CLCA2: variants seen among roughly 807,000 people sequenced by gnomAD.
CLCA2 encodes the protein chloride channel accessory 2, also known as calcium-activated chloride channel regulator 2.
In CLCA2, 85 loss-of-function variants were observed where a neutral mutation model predicts 82.9. That is an observed-to-expected ratio of 1.03 (90% CI 0.86 to 1.23). The LOEUF (loss-of-function observed/expected upper bound fraction) is 1.23, where lower values mean the gene tolerates loss of function less well. Among genes scored for constraint, CLCA2 ranks in the 50% most tolerant of loss-of-function variants. The pLI, the probability that CLCA2 is intolerant of heterozygous loss-of-function variation, is 0.00. For synonymous variants in CLCA2, 421 were observed against 391.7 expected (o/e 1.07, Z -0.88); for missense variants, 1,089 against 1,124.8 (o/e 0.97, Z 0.45).
intron 2 of CLCA2, among the ~76,000 whole-genome samples, chr1:86,426,958 C>A (rs1018001705): frequency 6.6e-6 from 1 of 151,996 alleles, no homozygotes; most frequent in Non-Finnish European, 1.5e-5. Context: ...ACGGAAAGAC[C>A]AAAGGAAACA....
rs755588500 is a variant in CLCA2 at position 86,440,363 on chromosome 1, C to G, written c.1381+38C>G. 9.6e-6 allele frequency: 15 copies of G among 1,562,896 alleles called. No homozygotes were observed. The Admixed American group carries it at 2.5e-4, about 26-fold the overall frequency. On this transcript the variant is annotated intron_variant, in intron 8 of 13. Coordinates refer to ENST00000370565, the MANE Select transcript of CLCA2 (RefSeq NM_006536.7). ...TAAAAACTTATCTTTTGGAGCATGT[C>G]CCTTTAACTTGACTATCCAAGACAC... is the stretch of plus-strand genomic sequence containing the variant.
At chr1:86,448,858 T>G (rs1662908494) in intron 11 of CLCA2, among the ~76,000 whole-genome samples, 1 of 152,238 alleles carries the variant, frequency 6.6e-6, no homozygotes. Context: ...CACCTTTCAT[T>G]TTTTGTTTAT....
At chr1:86,430,197 T>C (rs892653126) in intron 3 of CLCA2, among the ~76,000 whole-genome samples, 2 of 151,950 alleles carry the variant, frequency 1.3e-5, no homozygotes, top group African/African-American at 4.8e-5. Flanking sequence ...ATGTAAGATT[T>C]TGAGAGAGAG....
chr1:86,430,153 A>C (rs1662465349), intron 3 of CLCA2, among the ~76,000 whole-genome samples: 1 of 152,180 alleles, frequency 6.6e-6, no homozygotes, highest in African/African-American at 2.4e-5. Flanking sequence ...TGGAAAGCTT[A>C]TATGGGAAAG....
chr1:86,434,823 G>A (rs571466055), intron 6 of CLCA2, 78 bp downstream of exon 6: 1 of 1,198,818 alleles, frequency 8.3e-7, no homozygotes, highest in East Asian at 2.4e-5. Flanking sequence ...TTTATTTTAA[G>A]TTCTGGGGTA....
At chr1:86,447,837 G>T (rs987569048) in intron 11 of CLCA2, 59 bp downstream of exon 11, 59 of 1,478,820 alleles carry the variant, frequency 4.0e-5, no homozygotes, top group Admixed American at 5.7e-5. Context: ...GATATGATGC[G>T]GTAGTATCAA....
chr1:86,453,178 A>G (rs1558121034), intron 12 of CLCA2, among the ~76,000 whole-genome samples, 191 bp from the exon 13 acceptor site: 1 of 152,202 alleles, frequency 6.6e-6, no homozygotes, highest in Non-Finnish European at 1.5e-5. Flanking sequence ...GTCTCAAAAT[A>G]AAATAAAATA....
In CLCA2 at chr1:86,441,540, T is replaced by A; in HGVS notation, c.1485T>A (p.Ile495=). Residue 495 remains isoleucine (I), a synonymous_variant, in exon 9 of 14, where the codon ATT becomes ATA. Coordinates refer to ENST00000370565, the MANE Select transcript of CLCA2 (RefSeq NM_006536.7). ...CTGGAGACATTTTCCAGCAACATAT[T>A]CAGGTCAGAATTTTCTCAATGTTAT... ...SGTGDIFQQH[I]QLESTGENVK... is the part of the protein sequence containing the mutation. The A allele has an allele frequency of 6.2e-7, 1 of 1,601,420 alleles. No homozygotes were observed.
chr1:86,453,586 C>T lies in CLCA2; in HGVS notation c.2373C>T (p.Asp791=). 1 of 1,613,938 alleles carries T rather than the reference C, an allele frequency of 6.2e-7. No homozygotes were observed. Among genetic ancestry groups the T allele is most frequent in the Non-Finnish European group, 8.5e-7 (1 of 1,179,932 alleles). ...LTLSWTAPGE[D]FDQGQATSYE... ...TATCTTGGACAGCACCTGGAGAAGA[C>T]TTTGATCAGGGCCAGGGTAGGTTTG... Residue 791 remains aspartate (D), a synonymous_variant, in exon 13 of 14, where the codon GAC becomes GAT. Transcript: ENST00000370565.
In CLCA2 at chr1:86,455,106, T is replaced by G. The variant is rs866281643; in HGVS notation, c.2411T>G (p.Met804Arg). Residue 804 changes from methionine (M) to arginine (R), a missense_variant, in exon 14 of 14, where the codon ATG becomes AGG. Transcript: ENST00000370565. ...QGQATSYEIRMSKSLQNIQDD... is the reference protein window; with the variant it reads ...QGQATSYEIRRSKSLQNIQDD... ...TCAGCTACAAGCTATGAAATAAGAATGAGTAAAAGTCTACAGAATATCCAA... is the reference window on the plus strand; with the variant it reads ...TCAGCTACAAGCTATGAAATAAGAAGGAGTAAAAGTCTACAGAATATCCAA... 6.5e-7 allele frequency: 1 copy of G among 1,547,536 alleles called. No individual in the cohort carries two copies.
At position 86,432,773 on chromosome 1, in the gene CLCA2, A is replaced by G. The variant is rs547802245; in HGVS notation, c.744+245A>G. ...TAACAAAGGGACTCTGGGGACCACA[A>G]AATAAACTGTTCTTATGGTGGTGTT... is the stretch of plus-strand genomic sequence containing the variant. On this transcript the variant is annotated intron_variant, in intron 5 of 13. Coordinates refer to ENST00000370565, the MANE Select transcript of CLCA2 (RefSeq NM_006536.7). Among the ~76,000 whole-genome samples, 23 of 152,288 alleles carry G rather than the reference A, an allele frequency of 1.5e-4. No homozygotes were observed. The South Asian group carries it at 3.7e-3, about 25-fold the overall frequency.
chr1:86,456,293 T>C lies in CLCA2; in HGVS notation c.*766T>C, dbSNP rs929492123. ...TATTCTGAGTTTGTTTTAATACATA[T>C]ATGAACATATAGTTTTATTCAATTA... On this transcript the variant is annotated 3_prime_UTR_variant, in exon 14 of 14. Transcript: ENST00000370565. 6.6e-5 allele frequency: 10 copies of C among 152,288 alleles called. No homozygotes were observed. Among genetic ancestry groups the C allele is most frequent in the African/African-American group, 2.4e-4 (10 of 41,578 alleles). 9.4% of individuals were successfully genotyped at this position (152,288 alleles called of 1,614,324 possible). A position where few individuals can be genotyped will look rare whatever the true frequency, so the allele number is the denominator to read the frequency against.
At chr1:86,451,609 G>A (rs113111568) in intron 12 of CLCA2, among the ~76,000 whole-genome samples, 126 of 151,962 alleles carry the variant, frequency 8.3e-4, no homozygotes, top group African/African-American at 3.0e-3. Flanking sequence ...TTTTTATCAG[G>A]CTCTTTTTCC....
intron 5 of CLCA2, among the ~76,000 whole-genome samples, chr1:86,433,958 A>G (rs1327758082): frequency 6.6e-6 from 1 of 151,986 alleles, no homozygotes; most frequent in African/African-American, 2.4e-5. Context: ...AGTGAATTAT[A>G]TCTATATTTC....
chr1:86,444,405 G>A (rs190844166), intron 10 of CLCA2, among the ~76,000 whole-genome samples: 1 of 152,244 alleles, frequency 6.6e-6, no homozygotes, highest in Non-Finnish European at 1.5e-5. Context: ...GGTGTGCTGG[G>A]TTTTGTTCCA....
chr1:86,436,338 GGCCT>G (rs971705775), intron 6 of CLCA2, among the ~76,000 whole-genome samples: 12 of 152,086 alleles, frequency 7.9e-5, no homozygotes, highest in African/African-American at 1.2e-4. Context: ...CTACGAATCA[GGCCT>G]GCCTGCCTGC....
rs1558100936 is a variant in CLCA2 at position 86,428,418 on chromosome 1, GC to G, written c.326del (p.Ala109GlufsTer4). The G allele has an allele frequency of 6.3e-7, 1 of 1,587,210 alleles. No homozygotes were observed. The highest frequency in any genetic ancestry group is 8.6e-7 in the Non-Finnish European group (1 of 1,167,342). Reference sequence around the variant, plus strand: ...TTACAAGGCATTTCTTTTAATTTAGGCAAATGTCATAGTGACTGACTGGTAT... The same window carrying G: ...TTACAAGGCATTTCTTTTAATTTAGGAAATGTCATAGTGACTGACTGGTAT... The part of the protein sequence containing the change: ...SKIKQESYEK[A>X]NVIVTDWYGA... On this transcript the variant is annotated frameshift_variant and splice_region_variant, in exon 3 of 14. Coordinates refer to ENST00000370565, the MANE Select transcript of CLCA2 (RefSeq NM_006536.7). LOFTEE classifies it high-confidence loss of function.
intron 12 of CLCA2, among the ~76,000 whole-genome samples, chr1:86,451,720 C>G (rs1385193305): frequency 1.3e-5 from 2 of 152,182 alleles, no homozygotes; most frequent in East Asian, 1.9e-4. Flanking sequence ...CCCAGCTCCT[C>G]CATTTACTAG....
chr1:86,454,597 G>A (rs57160573), intron 13 of CLCA2, among the ~76,000 whole-genome samples: 37,777 of 151,988 alleles, frequency 0.25, 5,188 homozygotes, highest in Admixed American at 0.31. Flanking sequence ...TTCGAGACCA[G>A]CCTGGCCAAC....
Sources: gnomAD v4.1 joint callset for allele counts (sites outside exome capture counted in the v4.1 genomes callset) on GRCh38, gnomAD v4.1.1 for gene constraint, MANE v1.5 for transcripts, NCBI Gene and HGNC (gene_info 2026-07-23, HGNC 2026-07-21) for gene names.